The following HPGDS variants were observed in gnomAD, a reference collection of about 807,000 sequenced individuals.
HPGDS encodes the protein GST class-sigma.
In HPGDS, 26 loss-of-function variants were observed where a neutral mutation model predicts 23.1. That is an observed-to-expected ratio of 1.13 (90% CI 0.83 to 1.56). The LOEUF (loss-of-function observed/expected upper bound fraction) is 1.56. Ranked by LOEUF, HPGDS falls within the 40% of genes most tolerant of loss-of-function variation. The pLI is 0.00. For missense variants in HPGDS, 268 were observed against 236.4 expected (o/e 1.13, Z -0.88); for synonymous variants, 95 against 77.9 (o/e 1.22, Z -1.16).
chr4:94,312,493 G>T (rs975093803), intron 3 of HPGDS, among the ~76,000 whole-genome samples: 1 of 152,182 alleles, frequency 6.6e-6, no homozygotes, highest in Non-Finnish European at 1.5e-5. Flanking sequence ...ATTGCACTGT[G>T]GTCTGAGAGA....
At chr4:94,311,979 G>T (rs192916539) in intron 3 of HPGDS, among the ~76,000 whole-genome samples, 2,267 of 151,916 alleles carry the variant, frequency 0.015, 38 homozygotes, top group African/African-American at 0.035. Context: ...GGGATCTGTG[G>T]TTATATCCCC....
At chr4:94,339,645 T>G (rs1293989533) in intron 1 of HPGDS, among the ~76,000 whole-genome samples, 3 of 152,158 alleles carry the variant, frequency 2.0e-5, no homozygotes, top group Non-Finnish European at 4.4e-5. Flanking sequence ...GAAATAACAG[T>G]GTTTTTAAAG....
At chr4:94,299,934 A>G (rs901286178) in intron 5 of HPGDS, among the ~76,000 whole-genome samples, 6 of 152,132 alleles carry the variant, frequency 3.9e-5, no homozygotes, top group African/African-American at 1.4e-4. Context: ...TCCAGTCTCC[A>G]CCTCTCTGTG....
intron 4 of HPGDS, among the ~76,000 whole-genome samples, chr4:94,302,764 C>T (rs1162251333): frequency 2.0e-5 from 3 of 152,064 alleles, no homozygotes; most frequent in Admixed American, 1.3e-4. Context: ...CATTGTGCCT[C>T]ATTATCAGAT....
chr4:94,328,616 A>G (rs1460836144), intron 2 of HPGDS, among the ~76,000 whole-genome samples: 2 of 152,240 alleles, frequency 1.3e-5, no homozygotes, highest in Middle Eastern at 3.2e-3. Flanking sequence ...TTTCTCATAT[A>G]TATTTTAAAA....
intron 1 of HPGDS, among the ~76,000 whole-genome samples, chr4:94,341,878 C>T (rs1721180935): frequency 6.6e-6 from 1 of 152,176 alleles, no homozygotes; most frequent in South Asian, 2.1e-4. Context: ...ATGTGAGATA[C>T]TATTGTTCAC....
At chr4:94,302,354 A>C in intron 4 of HPGDS, 110 bp from the exon 5 acceptor site, 1 of 738,806 alleles carries the variant, frequency 1.4e-6, no homozygotes, top group Non-Finnish European at 2.3e-6. Flanking sequence ...TTCAAGAAGA[A>C]AGAGAAGTAG....
At chr4:94,304,900 AAAAGT>A (rs776693797) in intron 4 of HPGDS, among the ~76,000 whole-genome samples, 2 of 152,120 alleles carry the variant, frequency 1.3e-5, no homozygotes, top group Non-Finnish European at 2.9e-5. Flanking sequence ...TAGAAAATAG[AAAAGT>A]AGAGAAGAGC....
chr4:94,311,556 A>T (rs1293669349), intron 3 of HPGDS, among the ~76,000 whole-genome samples: 1 of 151,060 alleles, frequency 6.6e-6, no homozygotes, highest in Non-Finnish European at 1.5e-5. Context: ...TTTATTGAGG[A>T]TTTTCCAATC....
At chr4:94,305,598 A>G (rs1167829637) in intron 4 of HPGDS, among the ~76,000 whole-genome samples, 1 of 152,124 alleles carries the variant, frequency 6.6e-6, no homozygotes, top group Non-Finnish European at 1.5e-5. Flanking sequence ...TTTAACATGT[A>G]CATAAATATT....
chr4:94,304,245 T>C (rs1756100195), intron 4 of HPGDS, among the ~76,000 whole-genome samples: 1 of 152,090 alleles, frequency 6.6e-6, no homozygotes, highest in Non-Finnish European at 1.5e-5. Flanking sequence ...TTATTTTGTG[T>C]TGGAACCACG....
intron 4 of HPGDS, among the ~76,000 whole-genome samples, chr4:94,306,988 C>A (rs1327307482): frequency 6.6e-6 from 1 of 151,978 alleles, no homozygotes; most frequent in African/African-American, 2.4e-5. Flanking sequence ...CAAGACTCAC[C>A]ATTGCAAAAT....
intron 2 of HPGDS, among the ~76,000 whole-genome samples, chr4:94,323,974 G>A (rs376735910): frequency 3.9e-5 from 6 of 152,236 alleles, no homozygotes; most frequent in African/African-American, 1.4e-4. Flanking sequence ...AAATCTCTCA[G>A]CATTTGCTTC....
chr4:94,316,061 CCT>C (rs1324166639), intron 3 of HPGDS, among the ~76,000 whole-genome samples: 7 of 152,130 alleles, frequency 4.6e-5, no homozygotes, highest in Admixed American at 4.6e-4. Flanking sequence ...TAATTACGGG[CCT>C]CAACTGTGAC....
intron 2 of HPGDS, among the ~76,000 whole-genome samples, chr4:94,323,337 G>T (rs1579441895): frequency 6.6e-6 from 1 of 152,234 alleles, no homozygotes; most frequent in South Asian, 2.1e-4. Flanking sequence ...CTTTCTCATT[G>T]ATCTGTCTAA....
In HPGDS at chr4:94,308,642, C is replaced by T. The variant is rs118137678; in HGVS notation, c.328G>A (p.Asp110Asn). 1.3e-4 allele frequency: 200 copies of T among 1,567,470 alleles called. 4 individuals are homozygous for T. The East Asian group carries it at 3.7e-3, about 29-fold the overall frequency. The change falls in exon 4 of 6, where the codon GAT (aspartate) becomes AAT (asparagine). Residue 110 changes from aspartate to asparagine, a missense_variant. By Grantham distance (23) the Asp-to-Asn change is conservative. Transcript: ENST00000295256. ...CAAATGGATCACATTACTTTCACAT[C>T]TTGCTTTTTCTCTGCCCAAGGAAAA... The part of the protein sequence containing the change: ...SCFPWAEKKQ[D>N]VKEQMFNELL...
chr4:94,325,584 T>A (rs1223632182), intron 2 of HPGDS, among the ~76,000 whole-genome samples: 1 of 152,186 alleles, frequency 6.6e-6, no homozygotes, highest in Non-Finnish European at 1.5e-5. Context: ...TGGGACCCAC[T>A]GAGCCAGGCG....
At chr4:94,334,821 C>G (rs1039421683) in intron 1 of HPGDS, among the ~76,000 whole-genome samples, 183 bp from the exon 2 acceptor site, 10 of 152,146 alleles carry the variant, frequency 6.6e-5, no homozygotes, top group African/African-American at 2.4e-4. Flanking sequence ...TGGTTGAAAT[C>G]AGATCATGAC....
At chr4:94,336,375 A>T (rs1198066631) in intron 1 of HPGDS, among the ~76,000 whole-genome samples, 1 of 152,150 alleles carries the variant, frequency 6.6e-6, no homozygotes, top group African/African-American at 2.4e-5. Context: ...TCCCAGGTTC[A>T]GGAAGTGACG....
Sources: gnomAD v4.1 joint callset for allele counts (sites outside exome capture counted in the v4.1 genomes callset) on GRCh38, gnomAD v4.1.1 for gene constraint, MANE v1.5 for transcripts, NCBI Gene and HGNC (gene_info 2026-07-23, HGNC 2026-07-21) for gene names.